SEMA3E: variants seen among roughly 807,000 people sequenced by gnomAD.
SEMA3E encodes the protein semaphorin-3E.
In SEMA3E, 49 loss-of-function variants were observed where a neutral mutation model predicts 93.6. The ratio of observed to expected loss-of-function variants is 0.52; its 90% confidence interval spans 0.42 to 0.66. The LOEUF (loss-of-function observed/expected upper bound fraction) is 0.66. Among genes scored for constraint, SEMA3E ranks in the 30% least tolerant of loss-of-function variants. SEMA3E has a pLI of 0.00. For missense variants in SEMA3E, 906 were observed against 964.8 expected (o/e 0.94, Z 0.81); for synonymous variants, 363 against 330.7 (o/e 1.10, Z -1.06).
intron 4 of SEMA3E, among the ~76,000 whole-genome samples, chr7:83,437,952 C>G (rs1038707474): frequency 6.6e-6 from 1 of 152,052 alleles, no homozygotes; most frequent in East Asian, 1.9e-4. Context: ...TTGAAATAAG[C>G]CTAAACAAGC....
chr7:83,439,770 A>G (rs2115778955), intron 4 of SEMA3E, among the ~76,000 whole-genome samples: 1 of 152,322 alleles, frequency 6.6e-6, no homozygotes, highest in South Asian at 2.1e-4. Context: ...CTTATACTAC[A>G]GAAGCAAAAG....
intron 16 of SEMA3E, among the ~76,000 whole-genome samples, chr7:83,382,655 T>A (rs1023412822): frequency 1.3e-5 from 2 of 151,480 alleles, no homozygotes; most frequent in African/African-American, 4.8e-5. Context: ...TTTATAATTC[T>A]TAATAACTTA....
intron 1 of SEMA3E, among the ~76,000 whole-genome samples, chr7:83,545,564 A>G (rs116540787): frequency 0.22 from 33,071 of 147,798 alleles, 5,372 homozygotes; most frequent in African/African-American, 0.45. Context: ...AAAAAAAAAA[A>G]AAAAAGAAAT....
intron 9 of SEMA3E, among the ~76,000 whole-genome samples, chr7:83,404,953 T>G (rs1276666904): frequency 6.6e-6 from 1 of 152,110 alleles, no homozygotes; most frequent in Admixed American, 6.6e-5. Context: ...TAGACACTGA[T>G]TGGCATCTGT....
intron 1 of SEMA3E, among the ~76,000 whole-genome samples, chr7:83,574,161 A>T (rs1008538084): frequency 6.6e-6 from 1 of 152,174 alleles, no homozygotes; most frequent in Non-Finnish European, 1.5e-5. Context: ...AAAAATCTTA[A>T]TGCAGAATTT....
chr7:83,480,062 C>T (rs1410434885), intron 2 of SEMA3E, among the ~76,000 whole-genome samples: 1 of 152,094 alleles, frequency 6.6e-6, no homozygotes, highest in Non-Finnish European at 1.5e-5. Flanking sequence ...GAAAATCTTA[C>T]CATGCATAAT....
intron 16 of SEMA3E, among the ~76,000 whole-genome samples, chr7:83,382,326 C>T (rs1342160428): frequency 2.0e-5 from 3 of 151,966 alleles, no homozygotes; most frequent in South Asian, 4.2e-4. Flanking sequence ...TAGAACAGTC[C>T]TTGGTACTGT....
chr7:83,433,774 C>T (rs543032733), intron 4 of SEMA3E, among the ~76,000 whole-genome samples: 5 of 152,062 alleles, frequency 3.3e-5, no homozygotes, highest in Admixed American at 6.5e-5. Context: ...CGATACATAC[C>T]GAGCAAATAA....
chr7:83,465,679 T>G (rs1432380478), intron 4 of SEMA3E, among the ~76,000 whole-genome samples: 1 of 152,198 alleles, frequency 6.6e-6, no homozygotes, highest in Admixed American at 6.5e-5. Context: ...ATTTTATCTG[T>G]GCCTTGTCTT....
intron 1 of SEMA3E, among the ~76,000 whole-genome samples, chr7:83,531,341 C>CTTTTTTTTTT (rs144165250): frequency 2.9e-5 from 2 of 68,142 alleles, no homozygotes; most frequent in Non-Finnish European, 5.1e-5. Flanking sequence ...TTGGAATATT[C>CTTTTTTTTTT]TTTTTTTTTT....
chr7:83,446,281 C>A (rs1048722676), intron 4 of SEMA3E, among the ~76,000 whole-genome samples: 1 of 152,272 alleles, frequency 6.6e-6, no homozygotes, highest in East Asian at 1.9e-4. Flanking sequence ...AAAAGATTGA[C>A]CACATGTATA....
At chr7:83,567,457 C>T (rs974519124) in intron 1 of SEMA3E, among the ~76,000 whole-genome samples, 4 of 152,218 alleles carry the variant, frequency 2.6e-5, no homozygotes, top group Middle Eastern at 3.4e-3. Context: ...AATATACATT[C>T]TTCCTATCAG....
At chr7:83,533,690 A>C (rs1375394705) in intron 1 of SEMA3E, among the ~76,000 whole-genome samples, 1 of 152,310 alleles carries the variant, frequency 6.6e-6, no homozygotes, top group East Asian at 1.9e-4. Context: ...CAGGGAGGTG[A>C]GGAGATTCAG....
intron 1 of SEMA3E, among the ~76,000 whole-genome samples, chr7:83,579,086 C>T (rs1257085512): frequency 6.6e-6 from 1 of 152,002 alleles, no homozygotes; most frequent in Non-Finnish European, 1.5e-5. Context: ...AACATGTTAT[C>T]CTATTATAAA....
intron 2 of SEMA3E, among the ~76,000 whole-genome samples, chr7:83,474,784 A>G (rs949763038): frequency 2.4e-4 from 36 of 152,324 alleles, no homozygotes; most frequent in African/African-American, 7.5e-4. Context: ...GTGAAGCTGC[A>G]GAGTTTATAA....
At chr7:83,388,469 G>A (rs889673600) in intron 14 of SEMA3E, among the ~76,000 whole-genome samples, 1 of 151,352 alleles carries the variant, frequency 6.6e-6, no homozygotes, top group South Asian at 2.1e-4. Context: ...AAGAACTCTG[G>A]CATACTTAAT....
intron 16 of SEMA3E, among the ~76,000 whole-genome samples, chr7:83,378,859 A>T (rs1342398685): frequency 1.3e-5 from 2 of 151,866 alleles, no homozygotes; most frequent in African/African-American, 4.8e-5. Context: ...AGAACTAAAA[A>T]TAGGATTACC....
intron 1 of SEMA3E, among the ~76,000 whole-genome samples, chr7:83,535,689 A>G (rs1315313725): frequency 6.6e-6 from 1 of 152,152 alleles, no homozygotes; most frequent in Non-Finnish European, 1.5e-5. Flanking sequence ...GCTTGAGGTA[A>G]AAGATCTCAA....
chr7:83,402,918 G>T, intron 9 of SEMA3E, 142 bp from the exon 10 acceptor site: 1 of 748,800 alleles, frequency 1.3e-6, no homozygotes, highest in Non-Finnish European at 2.2e-6. Context: ...TTCTAGGTAT[G>T]TTAATTATTG....
Sources: gnomAD v4.1 joint callset for allele counts (sites outside exome capture counted in the v4.1 genomes callset) on GRCh38, gnomAD v4.1.1 for gene constraint, MANE v1.5 for transcripts, NCBI Gene and HGNC (gene_info 2026-07-23, HGNC 2026-07-21) for gene names.